Variants in PTPRS observed in about 807,000 individuals in gnomAD.
PTPRS encodes protein tyrosine phosphatase receptor type S.
In PTPRS, 63 loss-of-function variants were observed where a neutral mutation model predicts 215.3. That is an observed-to-expected ratio of 0.29 (90% CI 0.24 to 0.36). The LOEUF (loss-of-function observed/expected upper bound fraction) is 0.36. PTPRS is among the 10% of genes least tolerant of loss of function. The pLI is 1.00. For synonymous variants in PTPRS, 1,404 were observed against 1,191.4 expected (o/e 1.18, Z -3.68); for missense variants, 2,258 against 2,825.8 (o/e 0.80, Z 4.56).
At chr19:5,312,052 AAAAG>A (rs1229740349) in intron 1 of PTPRS, among the ~76,000 whole-genome samples, 6 of 152,012 alleles carry the variant, frequency 3.9e-5, no homozygotes, top group South Asian at 4.1e-4. Context: ...AAAAAAAAAA[AAAAG>A]AAAGAAATAC....
intron 4 of PTPRS, among the ~76,000 whole-genome samples, chr19:5,266,927 CA>C (rs1387623323): frequency 8.5e-5 from 13 of 152,268 alleles, no homozygotes; most frequent in African/African-American, 3.1e-4. Flanking sequence ...GGACTAGCTC[CA>C]ACTCCCTTGC....
rs987560113 is a variant in PTPRS at position 5,268,286 on chromosome 19, G to C, written c.380-3090C>G. On this transcript the variant is annotated intron_variant, in intron 4 of 37. Coordinates refer to ENST00000262963, the MANE Select transcript of PTPRS (RefSeq NM_002850.4). ...AATGGCAGAGTTTTGGGTTGTTGCT[G>C]CGACAGAGACCGTCCAGCCTGTAGA... is the stretch of plus-strand genomic sequence containing the variant. Among the ~76,000 whole-genome samples the C allele has an allele frequency of 8.1e-4, 123 of 152,258 alleles. 1 individual carries two copies. The highest frequency in any genetic ancestry group is 2.8e-3 in the African/African-American group (115 of 41,546).
rs1319245950 is a variant in PTPRS at position 5,260,878 on chromosome 19, C to T, written c.578-56G>A. On this transcript the variant is annotated intron_variant, in intron 6 of 37. Transcript: ENST00000262963. ...TGTCACAAGGCGGTTGTTGGGGGGC[C>T]GGGGGGCCCCAGGGAAGCTGGGCTG... 3.2e-5 allele frequency: 51 copies of T among 1,596,744 alleles called. No individual in the cohort carries two copies. In the South Asian group the frequency reaches 3.4e-4, roughly 10 times the overall value.
Position 5,221,011 on chromosome 19 carries a change from G to T in PTPRS, c.3444C>A (p.Pro1148=). Reference sequence around the variant, plus strand: ...GGGGGTGAGCATACTGGACAGGCACGGGGCTCTGGCCGTCAGGAAGATACA... The same window carrying T: ...GGGGGTGAGCATACTGGACAGGCACTGGGCTCTGGCCGTCAGGAAGATACA... ...IMVYLPDGQS[P]VPVQSYFIVM... Residue 1148 remains proline, a synonymous_variant, in exon 20 of 38, where the codon CCC becomes CCA. Transcript: ENST00000262963. 6.2e-7 allele frequency: 1 copy of T among 1,610,424 alleles called. No homozygotes were observed. Among genetic ancestry groups the T allele is most frequent in the South Asian group, 1.1e-5 (1 of 90,836 alleles).
chr19:5,223,412 G>A (rs946274618), intron 17 of PTPRS, 115 bp from the exon 18 acceptor site: 2 of 1,264,898 alleles, frequency 1.6e-6, no homozygotes, highest in African/African-American at 1.6e-5. Flanking sequence ...TTTGAGTTGG[G>A]GGGGGTCTTA....
At chr19:5,246,111 G>A (rs2044460771) in intron 9 of PTPRS, 66 bp from the exon 10 acceptor site, 1 of 934,982 alleles carries the variant, frequency 1.1e-6, no homozygotes, top group Non-Finnish European at 1.4e-6. Flanking sequence ...GAGGTTGGGA[G>A]GGGAAGACAG....
chr19:5,227,953 G>A (rs929776065), intron 16 of PTPRS, among the ~76,000 whole-genome samples: 1 of 151,794 alleles, frequency 6.6e-6, no homozygotes, highest in African/African-American at 2.4e-5. Flanking sequence ...CCCAAGCACA[G>A]GCCGGCATGC....
At chr19:5,337,999 G>C (rs112772146) in intron 1 of PTPRS, among the ~76,000 whole-genome samples, 2 of 152,138 alleles carry the variant, frequency 1.3e-5, no homozygotes, top group African/African-American at 4.8e-5. Flanking sequence ...GGCTCTCAAG[G>C]TTTCCTGGAG....
chr19:5,250,664 TG>T (rs1216689691), intron 9 of PTPRS, among the ~76,000 whole-genome samples: 19 of 9,640 alleles, frequency 2.0e-3, no homozygotes, highest in Non-Finnish European at 3.1e-3. Flanking sequence ...GGCGGTGGGG[TG>T]GGGGGGTGGC....
intron 4 of PTPRS, among the ~76,000 whole-genome samples, chr19:5,269,480 T>A (rs1180551114): frequency 6.6e-6 from 1 of 151,940 alleles, no homozygotes; most frequent in Non-Finnish European, 1.5e-5. Context: ...CCCCACCAAC[T>A]GCCAGGGACT....
At position 5,221,257 on chromosome 19, in the gene PTPRS, C is replaced by T. The variant is rs765888911; in HGVS notation, c.3202-4G>A. On this transcript the variant is annotated splice_polypyrimidine_tract_variant and splice_region_variant and intron_variant, in intron 19 of 37. Coordinates refer to ENST00000262963, the MANE Select transcript of PTPRS (RefSeq NM_002850.4). ...GTGTGAGCCCATTGTACTGGATCTG[C>T]GGACCAGGGCTAGCTCAGCAGGGCC... 1.4e-5 allele frequency: 23 copies of T among 1,608,934 alleles called. No homozygotes were observed. Among genetic ancestry groups the T allele is most frequent in the African/African-American group, 1.2e-4 (9 of 74,804 alleles).
rs1023691372 is a variant in PTPRS at position 5,287,627 on chromosome 19, G to A, written c.-94-1393C>T. 8.5e-5 allele frequency among the ~76,000 whole-genome samples: 13 copies of A among 152,104 alleles called. No individual in the cohort carries two copies. The highest frequency in any genetic ancestry group is 1.9e-4 in the East Asian group (1 of 5,158). Reference sequence around the variant, plus strand: ...ACAGGAACTGGTGGCGCATAATAACGGGGCAGCCCCTGTGATTCTGACTCC... The same window carrying A: ...ACAGGAACTGGTGGCGCATAATAACAGGGCAGCCCCTGTGATTCTGACTCC... On this transcript the variant is annotated intron_variant, in intron 1 of 37. Coordinates refer to ENST00000262963, the MANE Select transcript of PTPRS (RefSeq NM_002850.4). The surrounding 1 kb of genome is among the most constrained non-coding windows in gnomAD (Gnocchi z 4.8).
At chr19:5,217,122 G>A (rs572476876) in intron 25 of PTPRS, among the ~76,000 whole-genome samples, 5 of 152,248 alleles carry the variant, frequency 3.3e-5, no homozygotes, top group Admixed American at 6.5e-5. Context: ...GATGGTGAAG[G>A]AGAAGCTGGG....
intron 2 of PTPRS, among the ~76,000 whole-genome samples, chr19:5,279,560 AG>A (rs1422973552): frequency 1.3e-5 from 2 of 152,022 alleles, no homozygotes; most frequent in Non-Finnish European, 2.9e-5. Flanking sequence ...TTGCAGAGAC[AG>A]GGTCTCGCTA....
At chr19:5,335,231 T>G (rs140114240) in intron 1 of PTPRS, among the ~76,000 whole-genome samples, 1 of 152,186 alleles carries the variant, frequency 6.6e-6, no homozygotes, top group Admixed American at 6.5e-5. Flanking sequence ...GAAGGATGCA[T>G]GCGACTGACT....
intron 5 of PTPRS, among the ~76,000 whole-genome samples, chr19:5,264,387 G>T (rs1440346658): frequency 1.3e-5 from 2 of 152,138 alleles, no homozygotes; most frequent in Non-Finnish European, 2.9e-5. Flanking sequence ...ATTGAAGCTG[G>T]TCTCCCCTTG....
At chr19:5,291,788 G>A (rs1171553410) in intron 1 of PTPRS, among the ~76,000 whole-genome samples, 2 of 151,792 alleles carry the variant, frequency 1.3e-5, no homozygotes, top group Non-Finnish European at 1.5e-5. Context: ...AACCCTCCAT[G>A]GCTCCCATCA....
At position 5,294,655 on chromosome 19, in the gene PTPRS, TG is replaced by T. The variant is rs1409016791; in HGVS notation, c.-94-8422del. The T allele has an allele frequency of 1.3e-5, 2 of 152,172 alleles. No individual in the cohort carries two copies. The highest frequency in any genetic ancestry group is 2.9e-5 in the Non-Finnish European group (2 of 68,048). 9.4% of individuals were successfully genotyped at this position (152,172 alleles called of 1,614,324 possible). On this transcript the variant is annotated intron_variant, in intron 1 of 37. Transcript: ENST00000262963. This position sits in a 1 kb window ranked among gnomAD's most constrained non-coding sequence, Gnocchi z 5.1. ...CCATCTCCTTCAAACATCGAATAAA[TG>T]CCTCCCTCACTGGGGGATACCACAC...
At chr19:5,246,988 C>T (rs2044552020) in intron 9 of PTPRS, among the ~76,000 whole-genome samples, 1 of 151,276 alleles carries the variant, frequency 6.6e-6, no homozygotes. Context: ...CTCTAGTGCA[C>T]ACTTACGTGA....
Sources: allele counts gnomAD v4.1 joint callset (sites outside exome capture counted in the v4.1 genomes callset), GRCh38; gene constraint gnomAD v4.1.1; non-coding constraint Gnocchi (gnomAD v3.1); transcripts MANE v1.5; gene names NCBI Gene and HGNC (gene_info 2026-07-23, HGNC 2026-07-21).